The following DNAH10 variants were observed in gnomAD, a reference collection of about 807,000 sequenced individuals.
DNAH10 encodes dynein axonemal heavy chain 10.
DNAH10 carries 348 observed loss-of-function variants against 506.6 expected under a neutral mutation model. The observed-to-expected ratio is 0.69, with a 90% CI of 0.63 to 0.75. The LOEUF (loss-of-function observed/expected upper bound fraction) is 0.75, where lower values mean the gene tolerates loss of function less well. DNAH10 is among the 30% of genes least tolerant of loss of function. The pLI is 0.00. For synonymous variants in DNAH10, 2,059 were observed against 2,198.6 expected (o/e 0.94, Z 1.78); for missense variants, 5,179 against 5,787.1 (o/e 0.89, Z 3.41).
At position 123,837,097 on chromosome 12, in the gene DNAH10, C is replaced by T. The variant is rs376076928; in HGVS notation, c.4903-1359C>T. Among the ~76,000 whole-genome samples, 38 of 150,488 alleles carry T rather than the reference C, an allele frequency of 2.5e-4. No homozygotes were observed. In the East Asian group the frequency reaches 3.1e-3, roughly 12 times the overall value. On this transcript the variant is annotated intron_variant, in intron 28 of 78. Transcript: ENST00000673944. ...CAATCTCCTGACCTCATGATCTGCC[C>T]ACCTTGGCCTCCAAAAGTGCTGGGA...
chr12:123,846,896 G>C lies in DNAH10; in HGVS notation c.5814+742G>C, dbSNP rs918749045. Among the ~76,000 whole-genome samples, 3 of 152,144 alleles carry C rather than the reference G, an allele frequency of 2.0e-5. No individual in the cohort carries two copies. Among genetic ancestry groups the C allele is most frequent in the Non-Finnish European group, 2.9e-5 (2 of 68,026 alleles). ...TCTCCACATCACACCATGGGATTTG[G>C]GGGGACAAGGATAAAGGGAATGAGT... On this transcript the variant is annotated intron_variant, in intron 32 of 78. Coordinates refer to ENST00000673944, the MANE Select transcript of DNAH10 (RefSeq NM_001372106.1). The surrounding 1 kb of genome is among the most constrained non-coding windows in gnomAD (Gnocchi z 4.5).
chr12:123,783,408 C>T (rs185365634), intron 7 of DNAH10, 144 bp downstream of exon 7: 2 of 928,842 alleles, frequency 2.2e-6, no homozygotes, highest in Non-Finnish European at 3.2e-6. Flanking sequence ...TAAACACACC[C>T]AAAATATCAT....
At chr12:123,891,265 C>T (rs897816377) in intron 52 of DNAH10, among the ~76,000 whole-genome samples, 2 of 152,150 alleles carry the variant, frequency 1.3e-5, no homozygotes, top group African/African-American at 4.8e-5. Context: ...GGGTACCTGT[C>T]ATATTGCATT....
chr12:123,768,801 C>T (rs1459659077), intron 2 of DNAH10, among the ~76,000 whole-genome samples: 1 of 151,828 alleles, frequency 6.6e-6, no homozygotes, highest in Non-Finnish European at 1.5e-5. Context: ...TGGAGTGGTG[C>T]TGTCATAGCT....
chr12:123,874,281 A>G (rs111277459), intron 46 of DNAH10, among the ~76,000 whole-genome samples: 1 of 143,222 alleles, frequency 7.0e-6, no homozygotes, highest in African/African-American at 2.8e-5. Context: ...CCATCCATCC[A>G]TCCATCCATC....
At position 123,917,849 on chromosome 12, in the gene DNAH10, G is replaced by A. The variant is rs199882338; in HGVS notation, c.11232+36G>A. 89 of 1,545,782 alleles carry A rather than the reference G, an allele frequency of 5.8e-5. No individual in the cohort carries two copies. Among genetic ancestry groups the A allele is most frequent in the South Asian group, 3.3e-4 (28 of 83,966 alleles). Reference sequence around the variant, plus strand: ...CAGTGGAAGAGGCCGTGAGTCAGGCGGGGCCTGCATGCGCCGTTGGAGCGT... The same window carrying A: ...CAGTGGAAGAGGCCGTGAGTCAGGCAGGGCCTGCATGCGCCGTTGGAGCGT... On this transcript the variant is annotated intron_variant, in intron 64 of 78. Transcript: ENST00000673944. The surrounding 1 kb of genome is among the most constrained non-coding windows in gnomAD (Gnocchi z 5.6).
chr12:123,895,342 A>G (rs1004054632), intron 54 of DNAH10, among the ~76,000 whole-genome samples: 23 of 152,232 alleles, frequency 1.5e-4, no homozygotes, highest in Non-Finnish European at 1.5e-5. Flanking sequence ...GATGAATGAC[A>G]CTGGGTAACC....
intron 51 of DNAH10, among the ~76,000 whole-genome samples, chr12:123,883,253 T>C (rs1952588864): frequency 6.6e-6 from 1 of 152,230 alleles, no homozygotes; most frequent in Admixed American, 6.5e-5. Context: ...CGGGATCCTA[T>C]GATAACTCTA....
At chr12:123,924,016 A>G in intron 66 of DNAH10, 149 bp downstream of exon 66, 1 of 736,460 alleles carries the variant, frequency 1.4e-6, no homozygotes, top group Non-Finnish European at 2.2e-6. Flanking sequence ...CCAGTTGATC[A>G]TTCCAGCCTC....
chr12:123,766,303 A>G (rs937417915), intron 1 of DNAH10, among the ~76,000 whole-genome samples: 4 of 151,976 alleles, frequency 2.6e-5, no homozygotes, highest in Admixed American at 6.6e-5. Flanking sequence ...CTACCTACCT[A>G]CCTACCTACC....
chr12:123,912,909 C>T (rs770515839), intron 59 of DNAH10, among the ~76,000 whole-genome samples, 189 bp from the exon 60 acceptor site: 6 of 152,166 alleles, frequency 3.9e-5, no homozygotes, highest in Non-Finnish European at 5.9e-5. Context: ...TCTAATGGGA[C>T]ATGGAGTTTT....
intron 57 of DNAH10, among the ~76,000 whole-genome samples, chr12:123,905,191 C>T (rs1412791071): frequency 2.0e-5 from 3 of 152,120 alleles, no homozygotes; most frequent in Admixed American, 6.5e-5. Context: ...ATGAACTTCC[C>T]CGATATTTTA....
rs747998935 is a variant in DNAH10, at chr12:123,833,261, A to C, written c.4693A>C (p.Ile1565Leu). 2 of 1,613,828 alleles carry C rather than the reference A, an allele frequency of 1.2e-6. No homozygotes were observed. Among genetic ancestry groups the C allele is most frequent in the East Asian group, 2.2e-5 (1 of 44,898 alleles). The change falls in exon 27 of 79, where the codon ATC becomes CTC. Residue 1565 changes from isoleucine to leucine, a missense_variant. By Grantham distance (5) the Ile-to-Leu change is conservative. Transcript: ENST00000673944. ...TGACAACACTTTCAACCTGCAGAGC[A>C]TCTCAGGAAGCAGATTTGTGGGGCC... The part of the protein sequence containing the change: ...LDDNTFNLQS[I>L]SGSRFVGPFL...
chr12:123,878,976 G>A (rs1952379100), intron 48 of DNAH10, among the ~76,000 whole-genome samples: 1 of 152,142 alleles, frequency 6.6e-6, no homozygotes. Flanking sequence ...CCAACAAGTA[G>A]GGATGATGTC....
chr12:123,906,002 C>T (rs1334456642), intron 57 of DNAH10, among the ~76,000 whole-genome samples: 1 of 151,778 alleles, frequency 6.6e-6, no homozygotes. Context: ...ACTGCAACCT[C>T]CGCCTCCCGG....
intron 65 of DNAH10, chr12:123,923,262 A>G (rs1954807349): frequency 6.6e-6 from 1 of 152,506 alleles, no homozygotes; most frequent in Non-Finnish European, 1.5e-5. Flanking sequence ...ATCCATTTGT[A>G]TACATATTGT....
rs1953816197 is a variant in DNAH10 at position 123,907,068 on chromosome 12, G to A, written c.9816-2193G>A. ...GCAGGCACTGGGGCCCATCAGCAGTGAGGCAGGCAGGGTCTTCACTGCGTG... is the reference window on the plus strand; with the variant it reads ...GCAGGCACTGGGGCCCATCAGCAGTAAGGCAGGCAGGGTCTTCACTGCGTG... On this transcript the variant is annotated intron_variant, in intron 57 of 78. Transcript: ENST00000673944. This position sits in a 1 kb window ranked among gnomAD's most constrained non-coding sequence, Gnocchi z 4.4. Among the ~76,000 whole-genome samples, 1 of 152,260 alleles carries A rather than the reference G, an allele frequency of 6.6e-6. No homozygotes were observed.
intron 30 of DNAH10, among the ~76,000 whole-genome samples, chr12:123,844,287 T>G (rs1211478323): frequency 6.6e-6 from 1 of 152,108 alleles, no homozygotes; most frequent in Non-Finnish European, 1.5e-5. Context: ...ACCTGGGGAT[T>G]ATGGGGATTA....
chr12:123,907,234 G>A lies in DNAH10; in HGVS notation c.9816-2027G>A, dbSNP rs1434502595. Among the ~76,000 whole-genome samples the A allele has an allele frequency of 6.6e-6, 1 of 152,228 alleles. No homozygotes were observed. Among genetic ancestry groups the A allele is most frequent in the African/African-American group, 2.4e-5 (1 of 41,446 alleles). On this transcript the variant is annotated intron_variant, in intron 57 of 78. Coordinates refer to ENST00000673944, the MANE Select transcript of DNAH10 (RefSeq NM_001372106.1). The surrounding 1 kb of genome is among the most constrained non-coding windows in gnomAD (Gnocchi z 4.4). ...GTCATGGTCATGGAGGGCGGAGGGG[G>A]CACCTTCTCTGAGATTGCAAGGAGC...
Sources: allele counts gnomAD v4.1 joint callset (sites outside exome capture counted in the v4.1 genomes callset), GRCh38; gene constraint gnomAD v4.1.1; non-coding constraint Gnocchi (gnomAD v3.1); transcripts MANE v1.5; gene names NCBI Gene and HGNC (gene_info 2026-07-23, HGNC 2026-07-21).